The following ANAPC10 variants were observed in gnomAD, a reference collection of about 807,000 sequenced individuals.
The protein encoded by ANAPC10 is anaphase-promoting complex subunit 10.
ANAPC10 carries 12 observed loss-of-function variants against 22.0 expected under a neutral mutation model. The ratio of observed to expected loss-of-function variants is 0.55; its 90% CI spans 0.35 to 0.88. The LOEUF is 0.88. Among genes scored for constraint, ANAPC10 ranks in the 40% least tolerant of loss-of-function variants. The probability of loss-of-function intolerance (pLI) is 0.01; values close to 1 mark genes in which losing one functional copy is unlikely to be tolerated. For synonymous variants in ANAPC10, 65 were observed against 69.5 expected (o/e 0.94, Z 0.32); for missense variants, 188 against 220.9 (o/e 0.85, Z 0.94).
intron 4 of ANAPC10, among the ~76,000 whole-genome samples, chr4:145,056,067 C>T (rs1486009035): frequency 2.0e-5 from 3 of 152,176 alleles, no homozygotes; most frequent in Admixed American, 6.5e-5. Flanking sequence ...ACCAGAGCAA[C>T]TCCATCTTGA....
At chr4:145,097,300 G>GA in intron 1 of ANAPC10, 1 of 377,906 alleles carries the variant, frequency 2.6e-6, no homozygotes, top group Admixed American at 3.5e-5. Flanking sequence ...ATTTTGAAGT[G>GA]AATAACTGGC....
At chr4:145,053,718 C>A (rs1741467967) in intron 4 of ANAPC10, 2 of 618,562 alleles carry the variant, frequency 3.2e-6, no homozygotes, top group South Asian at 3.8e-5. Context: ...CTTCAATATT[C>A]TCATTCCTTT....
intron 1 of ANAPC10, 140 bp from the exon 2 acceptor site, chr4:145,096,251 A>G: frequency 1.1e-6 from 1 of 918,248 alleles, no homozygotes; most frequent in Non-Finnish European, 1.6e-6. Context: ...TAATATAATT[A>G]AATCACTGTA....
intron 4 of ANAPC10, among the ~76,000 whole-genome samples, chr4:145,023,575 C>G (rs937981111): frequency 6.6e-6 from 1 of 152,162 alleles, no homozygotes; most frequent in South Asian, 2.1e-4. Context: ...GCAAGTCACA[C>G]AAATTTTTTG....
At chr4:145,059,342 T>C (rs1215240715) in intron 4 of ANAPC10, among the ~76,000 whole-genome samples, 1 of 152,124 alleles carries the variant, frequency 6.6e-6, no homozygotes, top group Non-Finnish European at 1.5e-5. Flanking sequence ...AAGACACAAG[T>C]AGAGAGCGAA....
chr4:145,026,818 C>T (rs1366462617), intron 4 of ANAPC10, among the ~76,000 whole-genome samples: 1 of 148,576 alleles, frequency 6.7e-6, no homozygotes, highest in Non-Finnish European at 1.5e-5. Context: ...TAACATATTG[C>T]ATCCATGAAA....
intron 2 of ANAPC10, among the ~76,000 whole-genome samples, chr4:145,085,840 C>T (rs1277786811): frequency 1.3e-5 from 2 of 151,874 alleles, no homozygotes; most frequent in Non-Finnish European, 2.9e-5. Context: ...AAGCTTCCCA[C>T]TCAGTATTGT....
At chr4:145,004,445 T>A (rs1401483644) in intron 4 of ANAPC10, among the ~76,000 whole-genome samples, 1 of 152,198 alleles carries the variant, frequency 6.6e-6, no homozygotes, top group Non-Finnish European at 1.5e-5. Flanking sequence ...TGCTTCCAGC[T>A]TTTGCCCATT....
intron 3 of ANAPC10, among the ~76,000 whole-genome samples, chr4:145,073,813 A>T (rs1744823996): frequency 1.3e-5 from 2 of 152,032 alleles, no homozygotes; most frequent in South Asian, 4.1e-4. Flanking sequence ...AAATCATTTT[A>T]ATATAATTAA....
intron 4 of ANAPC10, chr4:145,035,450 A>G (rs921363971): frequency 1.3e-5 from 2 of 152,248 alleles, no homozygotes; most frequent in African/African-American, 4.8e-5. Flanking sequence ...TAGATCATAT[A>G]CATTGTCATT....
chr4:145,056,417 G>C (rs1203585180), intron 4 of ANAPC10, among the ~76,000 whole-genome samples: 2 of 152,168 alleles, frequency 1.3e-5, no homozygotes, highest in African/African-American at 2.4e-5. Flanking sequence ...TAACCATAAA[G>C]ATGGGCAACC....
chr4:145,026,957 G>GTGTGTATATATATATA (rs1343774253), intron 4 of ANAPC10, among the ~76,000 whole-genome samples: 1 of 18,350 alleles, frequency 5.4e-5, no homozygotes, highest in Non-Finnish European at 8.3e-5. Flanking sequence ...GTGTGTGTGT[G>GTGTGTATATATATATA]TATATATATA....
chr4:145,016,676 A>C (rs1448994011), intron 4 of ANAPC10, among the ~76,000 whole-genome samples: 3 of 152,222 alleles, frequency 2.0e-5, no homozygotes, highest in African/African-American at 7.2e-5. Flanking sequence ...AATCCTAAGC[A>C]AAAAGAACAA....
chr4:145,064,344 T>C (rs970094557), intron 4 of ANAPC10: 1 of 322,326 alleles, frequency 3.1e-6, no homozygotes, highest in African/African-American at 2.1e-5. Context: ...GTACAATTCT[T>C]TGAGTTTTTC....
At chr4:145,079,925 C>T (rs1745727308) in intron 3 of ANAPC10, among the ~76,000 whole-genome samples, 1 of 151,922 alleles carries the variant, frequency 6.6e-6, no homozygotes, top group Non-Finnish European at 1.5e-5. Context: ...ACCAGCCTGG[C>T]CAACATGGTG....
intron 4 of ANAPC10, among the ~76,000 whole-genome samples, chr4:145,009,548 C>T (rs952139586): frequency 2.2e-4 from 34 of 152,154 alleles, no homozygotes; most frequent in African/African-American, 8.2e-4. Flanking sequence ...GTTTGACAAA[C>T]CTGACAAAAA....
In ANAPC10 at chr4:145,061,059, G is replaced by A. The variant is rs531640066; in HGVS notation, c.327+3513C>T. On this transcript the variant is annotated intron_variant, in intron 4 of 4. Transcript: ENST00000507656. ...GAGAACTATGGCAGAAAAGTAGTAT[G>A]TTCATTAAGTTTTCCAGGAAAACAA... is the stretch of plus-strand genomic sequence containing the variant. 1.2e-4 allele frequency among the ~76,000 whole-genome samples: 18 copies of A among 152,130 alleles called. No individual in the cohort carries two copies. In the East Asian group the frequency reaches 3.5e-3, roughly 29 times the overall value.
chr4:144,997,442 T>A (rs1731794149), intron 4 of ANAPC10, among the ~76,000 whole-genome samples: 1 of 152,110 alleles, frequency 6.6e-6, no homozygotes, highest in East Asian at 1.9e-4. Context: ...TCAACATTCT[T>A]AAAGAAAAGA....
At chr4:145,040,175 A>C (rs1196949130) in intron 4 of ANAPC10, among the ~76,000 whole-genome samples, 1 of 149,160 alleles carries the variant, frequency 6.7e-6, no homozygotes, top group Non-Finnish European at 1.5e-5. Flanking sequence ...TTTGAGACGG[A>C]GTTTTGCTCT....
Sources: gnomAD v4.1 joint callset for allele counts (sites outside exome capture counted in the v4.1 genomes callset) on GRCh38, gnomAD v4.1.1 for gene constraint, MANE v1.5 for transcripts, NCBI Gene and HGNC (gene_info 2026-07-23, HGNC 2026-07-21) for gene names.